Variants in HDAC9 observed in about 807,000 individuals in gnomAD.
HDAC9 encodes the protein histone deacetylase 9.
A neutral mutation model predicts 139.4 loss-of-function variants in HDAC9; 41 were observed. The observed-to-expected ratio is 0.29, with a 90% CI of 0.23 to 0.38. The LOEUF is 0.38. Among genes scored for constraint, HDAC9 ranks in the 10% least tolerant of loss-of-function variants. The pLI is 1.00. For synonymous variants in HDAC9, 517 were observed against 476.2 expected (o/e 1.09, Z -1.12); for missense variants, 1,147 against 1,297.0 (o/e 0.88, Z 1.78).
At chr7:18,760,246 C>T (rs1328444638) in intron 14 of HDAC9, among the ~76,000 whole-genome samples, 8 of 152,142 alleles carry the variant, frequency 5.3e-5, no homozygotes. Flanking sequence ...AAACCATGGA[C>T]TTACCATTAT....
intron 12 of HDAC9, among the ~76,000 whole-genome samples, chr7:18,686,311 T>C (rs1782265760): frequency 6.6e-6 from 1 of 152,030 alleles, no homozygotes; most frequent in South Asian, 2.1e-4. Flanking sequence ...TTCCAGCACT[T>C]GTAGAAAGCA....
chr7:18,265,981 A>T (rs1562812220), intron 2 of HDAC9, among the ~76,000 whole-genome samples: 1 of 152,188 alleles, frequency 6.6e-6, no homozygotes, highest in African/African-American at 2.4e-5. Flanking sequence ...GCAATGTAGA[A>T]GCTGACACCA....
intron 2 of HDAC9, among the ~76,000 whole-genome samples, chr7:18,506,339 A>G (rs2056228751): frequency 6.6e-6 from 1 of 152,188 alleles, no homozygotes. Context: ...TGATGACAAC[A>G]AGAGACACAC....
At chr7:18,784,627 G>A (rs1228641954) in intron 16 of HDAC9, among the ~76,000 whole-genome samples, 1 of 118,146 alleles carries the variant, frequency 8.5e-6, no homozygotes, top group African/African-American at 3.1e-5. Context: ...AAAATCCTGA[G>A]TTGGTCATGG....
chr7:18,155,472 ATTATG>A lies in HDAC9; in HGVS notation c.-96-6750_-96-6746del, dbSNP rs1353867946. ...TGCAATATCCAGCAGACCATTCCTG[ATTATG>A]TTATGTATTTTTAGATGTTACCATT... On this transcript the variant is annotated intron_variant, in intron 1 of 12. Coordinates refer to the HDAC9 transcript ENST00000417496. Among the ~76,000 whole-genome samples the A allele has an allele frequency of 2.0e-5, 3 of 152,274 alleles. No homozygotes were observed. The East Asian group carries it at 5.8e-4, about 29-fold the overall frequency.
At chr7:18,523,500 A>C (rs150899565) in intron 2 of HDAC9, among the ~76,000 whole-genome samples, 274 of 152,288 alleles carry the variant, frequency 1.8e-3, no homozygotes, top group African/African-American at 6.2e-3. Flanking sequence ...TTCATTCATT[A>C]ATTATTTTTT....
chr7:18,387,061 G>A (rs2035340068), intron 1 of HDAC9, among the ~76,000 whole-genome samples: 1 of 152,254 alleles, frequency 6.6e-6, no homozygotes, highest in East Asian at 1.9e-4. Flanking sequence ...TGATAGATAA[G>A]GAATATGGAG....
chr7:18,958,540 A>G (rs1264804457), intron 24 of HDAC9, among the ~76,000 whole-genome samples: 1 of 152,172 alleles, frequency 6.6e-6, no homozygotes, highest in Non-Finnish European at 1.5e-5. Flanking sequence ...AGACCTACAA[A>G]AGGAAATTCT....
intron 1 of HDAC9, among the ~76,000 whole-genome samples, chr7:18,457,988 T>C (rs756829498): frequency 6.6e-6 from 1 of 152,166 alleles, no homozygotes; most frequent in African/African-American, 2.4e-5. Flanking sequence ...CTATCTGAGG[T>C]TGTGTATGGC....
chr7:18,786,618 C>CTTCA (rs1562940727), intron 16 of HDAC9, among the ~76,000 whole-genome samples: 1 of 84,288 alleles, frequency 1.2e-5, no homozygotes, highest in African/African-American at 5.5e-5. Context: ...TCCTTCCTTC[C>CTTCA]CTCCCTCCCT....
rs1562893396 is a variant in HDAC9, at chr7:18,732,894, CACACACACGTGTGCGTATGTGTAT to C, written c.1909+5144_1909+5167del. On this transcript the variant is annotated intron_variant, in intron 13 of 25. Coordinates refer to ENST00000686413, the MANE Select transcript of HDAC9 (RefSeq NM_178425.4). The stretch of plus-strand genomic sequence containing the variant: ...ACACACACACGTGTGCGTATGTGTA[CACACACACGTGTGCGTATGTGTAT>C]ACACACGTGTGTATGTATGTGTATA... Among the ~76,000 whole-genome samples the C allele has an allele frequency of 2.8e-3, 110 of 39,358 alleles. 16 individuals carry two copies. The highest frequency in any genetic ancestry group is 0.028 in the Middle Eastern group (2 of 72). The allele number at this position is 39,358 out of a possible 152,430, so 25.8% of individuals were successfully genotyped here. A position where few individuals can be genotyped will look rare whatever the true frequency, so the allele number is the denominator to read the frequency against.
At chr7:18,576,198 G>A (rs1825877435) in intron 2 of HDAC9, among the ~76,000 whole-genome samples, 2 of 152,122 alleles carry the variant, frequency 1.3e-5, no homozygotes, top group South Asian at 2.1e-4. Flanking sequence ...GTGAGTGGAG[G>A]ACAGGTATTA....
rs373246761 is a variant in HDAC9 at position 18,121,199 on chromosome 7, T to G, written c.-97+33986T>G. Among the ~76,000 whole-genome samples the G allele has an allele frequency of 1.2e-4, 18 of 152,258 alleles. No individual in the cohort carries two copies. In the East Asian group the frequency reaches 3.5e-3, roughly 29 times the overall value. Reference sequence around the variant, plus strand: ...TACATTTTATGAGTGGGAAGTGTGGTTTAAGGTAATTGGCAAGACTCCCTC... The same window carrying G: ...TACATTTTATGAGTGGGAAGTGTGGGTTAAGGTAATTGGCAAGACTCCCTC... On this transcript the variant is annotated intron_variant, in intron 1 of 12. Transcript: ENST00000417496.
In HDAC9 at chr7:18,133,104, C is replaced by G. The variant is rs545517410; in HGVS notation, c.-96-29125C>G. 2.6e-5 allele frequency among the ~76,000 whole-genome samples: 4 copies of G among 152,142 alleles called. No homozygotes were observed. The South Asian group carries it at 8.3e-4, about 32-fold the overall frequency. ...AGCAAATCTTGATTCAGACTTCTTC[C>G]CACCCTCAGCTCACCATCCTTAGCT... On this transcript the variant is annotated intron_variant, in intron 1 of 12. Coordinates refer to the HDAC9 transcript ENST00000417496.
At chr7:18,409,414 C>G (rs1788333984) in intron 1 of HDAC9, among the ~76,000 whole-genome samples, 1 of 151,876 alleles carries the variant, frequency 6.6e-6, no homozygotes. Context: ...AACGATGGGC[C>G]TTTTTTTCAC....
chr7:18,780,724 G>A (rs1490517168), intron 16 of HDAC9, among the ~76,000 whole-genome samples: 2 of 151,960 alleles, frequency 1.3e-5, no homozygotes, highest in Non-Finnish European at 2.9e-5. Context: ...ATCACTATAG[G>A]ATTCTTTGGT....
At chr7:18,338,284 A>G (rs1036444945) in intron 1 of HDAC9, among the ~76,000 whole-genome samples, 3 of 151,674 alleles carry the variant, frequency 2.0e-5, no homozygotes, top group Non-Finnish European at 4.4e-5. Context: ...ATTCAAAGAA[A>G]TATCTGAACA....
chr7:18,548,763 G>A (rs1816086842), intron 2 of HDAC9, among the ~76,000 whole-genome samples: 1 of 152,114 alleles, frequency 6.6e-6, no homozygotes, highest in South Asian at 2.1e-4. Context: ...TATCAAGTAA[G>A]CACACAAAAA....
At chr7:18,301,197 G>C (rs555823388) in intron 1 of HDAC9, among the ~76,000 whole-genome samples, 2 of 151,910 alleles carry the variant, frequency 1.3e-5, no homozygotes, top group Admixed American at 1.3e-4. Context: ...AAGTTAAATT[G>C]CTCAATTGAA....
Sources: allele counts gnomAD v4.1 joint callset (sites outside exome capture counted in the v4.1 genomes callset), GRCh38; gene constraint gnomAD v4.1.1; transcripts MANE v1.5; gene names NCBI Gene and HGNC (gene_info 2026-07-23, HGNC 2026-07-21).